The following TTLL9 variants were observed in gnomAD, a reference collection of about 807,000 sequenced individuals.
TTLL9 encodes probable tubulin polyglutamylase TTLL9.
A neutral mutation model predicts 65.6 loss-of-function variants in TTLL9; 47 were observed. That is an observed-to-expected ratio of 0.72 (90% CI 0.57 to 0.91). The LOEUF (loss-of-function observed/expected upper bound fraction) is 0.91, where lower values mean the gene tolerates loss of function less well. Ranked by LOEUF, TTLL9 falls within the 40% of genes least tolerant of loss-of-function variation. The pLI is 0.00. For synonymous variants in TTLL9, 179 were observed against 204.8 expected, an observed-to-expected ratio of 0.87 and a Z score of 1.07; for missense variants, 537 against 568.8, an observed-to-expected ratio of 0.94 and a Z score of 0.57.
chr20:31,938,920 C>T (rs1432519747), intron 13 of TTLL9, among the ~76,000 whole-genome samples: 3 of 152,052 alleles, frequency 2.0e-5, no homozygotes, highest in Non-Finnish European at 4.4e-5. Context: ...CAAATAGGGG[C>T]ATGTTACCAA....
chr20:31,894,359 A>G (rs2063353245), intron 3 of TTLL9, among the ~76,000 whole-genome samples: 1 of 151,834 alleles, frequency 6.6e-6, no homozygotes, highest in African/African-American at 2.4e-5. Context: ...CAGCCTCCCA[A>G]AGTATTGGGA....
chr20:31,909,991 C>G, intron 6 of TTLL9, 69 bp downstream of exon 6: 2 of 1,472,280 alleles, frequency 1.4e-6, no homozygotes, highest in African/African-American at 1.4e-5. Flanking sequence ...GGATCAGGTG[C>G]AGACACTGCC....
rs754301453 is a variant in TTLL9 at position 31,923,065 on chromosome 20, G to A, written c.664+12G>A. ...TTACCTGATAGGAGGTGAGATGGCT[G>A]TGTCTGCTCCTGCTCTTCCATTGCA... On this transcript the variant is annotated intron_variant, in intron 8 of 14. Transcript: ENST00000535842. The A allele has an allele frequency of 2.1e-5, 33 of 1,595,594 alleles. No homozygotes were observed. In the East Asian group the frequency reaches 2.9e-4, roughly 14 times the overall value.
At chr20:31,879,166 CA>C (rs1251899001) in intron 2 of TTLL9, among the ~76,000 whole-genome samples, 1 of 152,078 alleles carries the variant, frequency 6.6e-6, no homozygotes, top group Non-Finnish European at 1.5e-5. Flanking sequence ...ACTAAAAATA[CA>C]AAAATTACTC....
In TTLL9 at chr20:31,920,333, C is replaced by T. The variant is rs115241757; in HGVS notation, c.573+401C>T. 4.9e-3 allele frequency among the ~76,000 whole-genome samples: 742 copies of T among 152,160 alleles called. 8 individuals are homozygous for T. Among genetic ancestry groups the T allele is most frequent in the African/African-American group, 0.017 (705 of 41,516 alleles). ...GTTCTTTATCTGGGCCTCCTGCTCA[C>T]GTGGCTGGGGAGAGTTTGGCTGACT... On this transcript the variant is annotated intron_variant, in intron 7 of 14. Coordinates refer to ENST00000535842, the MANE Select transcript of TTLL9 (RefSeq NM_001008409.5).
intron 6 of TTLL9, among the ~76,000 whole-genome samples, chr20:31,918,107 G>C (rs935751888): frequency 6.6e-6 from 1 of 151,774 alleles, no homozygotes; most frequent in African/African-American, 2.4e-5. Flanking sequence ...ATTGTATGAG[G>C]GCGAAGTTTG....
intron 2 of TTLL9, chr20:31,879,852 G>T (rs965768905): frequency 2.6e-6 from 4 of 1,550,116 alleles, no homozygotes; most frequent in African/African-American, 2.7e-5. Context: ...GCGCGGTGGC[G>T]GTTTGGATCT....
intron 4 of TTLL9, among the ~76,000 whole-genome samples, chr20:31,906,184 G>A (rs918101044): frequency 7.9e-5 from 12 of 152,166 alleles, no homozygotes; most frequent in African/African-American, 1.9e-4. Flanking sequence ...CATTAGGCGC[G>A]GGGCTCCTGA....
chr20:31,933,699 C>G, intron 10 of TTLL9, 101 bp from the exon 11 acceptor site: 1 of 1,118,102 alleles, frequency 8.9e-7, no homozygotes, highest in Non-Finnish European at 1.3e-6. Flanking sequence ...GGAGCTATTT[C>G]GTAGCCTTCC....
intron 6 of TTLL9, among the ~76,000 whole-genome samples, chr20:31,915,964 C>T (rs903886880): frequency 1.3e-5 from 2 of 152,144 alleles, no homozygotes; most frequent in Non-Finnish European, 2.9e-5. Context: ...TTCATGTGAG[C>T]CCCCAGCTTG....
chr20:31,881,490 T>C (rs1478480820), intron 2 of TTLL9, among the ~76,000 whole-genome samples: 2 of 152,212 alleles, frequency 1.3e-5, no homozygotes, highest in Non-Finnish European at 2.9e-5. Context: ...TTTCTAAATA[T>C]GTCTTGAATT....
At chr20:31,919,476 T>C (rs2063782729) in intron 6 of TTLL9, among the ~76,000 whole-genome samples, 1 of 152,188 alleles carries the variant, frequency 6.6e-6, no homozygotes, top group Non-Finnish European at 1.5e-5. Flanking sequence ...TTATCCATGC[T>C]GGGGTTCAGT....
intron 9 of TTLL9, 136 bp from the exon 10 acceptor site, chr20:31,925,913 C>T: frequency 6.4e-7 from 1 of 1,552,692 alleles, no homozygotes; most frequent in Non-Finnish European, 8.7e-7. Context: ...GATGGCTTTG[C>T]CCGATTCTCC....
chr20:31,913,991 G>T (rs2063695540), intron 6 of TTLL9, among the ~76,000 whole-genome samples: 1 of 152,210 alleles, frequency 6.6e-6, no homozygotes, highest in African/African-American at 2.4e-5. Context: ...CCCCCAAGCT[G>T]CTCAGGGACA....
intron 14 of TTLL9, 44 bp downstream of exon 14, chr20:31,939,310 T>C (rs769014924): frequency 1.9e-6 from 3 of 1,608,138 alleles, no homozygotes; most frequent in South Asian, 1.1e-5. Context: ...GATGGGGTCA[T>C]GGGAGGTACC....
chr20:31,906,033 CA>C (rs892374670), intron 4 of TTLL9, among the ~76,000 whole-genome samples: 1,678 of 47,722 alleles, frequency 0.035, 5 homozygotes, highest in East Asian at 0.14. Context: ...AATTTCATCT[CA>C]AAAAAAAAAA....
chr20:31,926,215 G>A, intron 10 of TTLL9, 124 bp downstream of exon 10: 1 of 695,988 alleles, frequency 1.4e-6, no homozygotes, highest in South Asian at 1.6e-5. Context: ...GATAGTTTTG[G>A]TGCTATGCCT....
At chr20:31,914,971 G>A (rs527264256) in intron 6 of TTLL9, among the ~76,000 whole-genome samples, 121 of 152,334 alleles carry the variant, frequency 7.9e-4, no homozygotes, top group African/African-American at 2.9e-3. Flanking sequence ...AATTATTTGT[G>A]CTATAGAAAT....
At position 31,879,798 on chromosome 20, in the gene TTLL9, G is replaced by C; in HGVS notation, c.70-7398G>C. On this transcript the variant is annotated intron_variant, in intron 2 of 14. Coordinates refer to ENST00000535842, the MANE Select transcript of TTLL9 (RefSeq NM_001008409.5). ...TCCAATCAGAGCGGCGGATCCAGGCGCCTGTCTGTCGCCTTGGCAACGGGA... is the reference window on the plus strand; with the variant it reads ...TCCAATCAGAGCGGCGGATCCAGGCCCCTGTCTGTCGCCTTGGCAACGGGA... The C allele has an allele frequency of 3.2e-6, 5 of 1,545,544 alleles. 1 individual carries two copies. In the South Asian group the frequency reaches 6.0e-5, roughly 18 times the overall value.
Sources: allele counts gnomAD v4.1 joint callset (sites outside exome capture counted in the v4.1 genomes callset), GRCh38; gene constraint gnomAD v4.1.1; transcripts MANE v1.5; gene names NCBI Gene and HGNC (gene_info 2026-07-23, HGNC 2026-07-21).